FLYWCH2: variants seen among roughly 807,000 people sequenced by gnomAD.
FLYWCH2 encodes FLYWCH family member 2.
A neutral mutation model predicts 6.0 loss-of-function variants in FLYWCH2; 2 were observed. That is an observed-to-expected ratio of 0.33 (90% CI 0.14 to 1.04). The LOEUF (loss-of-function observed/expected upper bound fraction) is 1.04, where lower values mean the gene tolerates loss of function less well. Ranked by LOEUF, FLYWCH2 falls within the 50% of genes least tolerant of loss-of-function variation. FLYWCH2 has a pLI of 0.45. For missense variants in FLYWCH2, 192 were observed against 183.4 expected (o/e 1.05, Z -0.27); for synonymous variants, 87 against 79.3 (o/e 1.10, Z -0.52).
Position 2,899,039 on chromosome 16 carries a change from T to G in FLYWCH2, c.323-10T>G, listed in dbSNP as rs201846710. 5.0e-6 allele frequency: 8 copies of G among 1,607,094 alleles called. No individual in the cohort carries two copies. In the African/African-American group the frequency reaches 8.1e-5, roughly 16 times the overall value. On this transcript the variant is annotated splice_polypyrimidine_tract_variant and intron_variant, in intron 3 of 3. Coordinates refer to ENST00000396958, the MANE Select transcript of FLYWCH2 (RefSeq NM_138439.3). Reference sequence around the variant, plus strand: ...TTGACACCAGCCTGATCCACCCTCTTCTCTCGCAGGCACAGACAGAACAGA... The same window carrying G: ...TTGACACCAGCCTGATCCACCCTCTGCTCTCGCAGGCACAGACAGAACAGA...
At chr16:2,885,728 A>T (rs1020332062) in intron 1 of FLYWCH2, among the ~76,000 whole-genome samples, 2 of 152,148 alleles carry the variant, frequency 1.3e-5, no homozygotes, top group African/African-American at 4.8e-5. Context: ...ATTGATGGAT[A>T]TTTGGGCTGT....
In FLYWCH2 at chr16:2,885,338, A is replaced by AC. The variant is rs1443645585; in HGVS notation, c.-200+1972_-200+1973insC. ...TCTCAAAAAAACAAAACAAAACAAA[A>AC]AAAAAAATATACAGTTCAGTGGCTT... On this transcript the variant is annotated intron_variant, in intron 1 of 3. Transcript: ENST00000396958. Among the ~76,000 whole-genome samples, 249 of 42,762 alleles carry AC rather than the reference A, an allele frequency of 5.8e-3. 2 individuals carry two copies. The Middle Eastern group carries it at 0.064, about 11-fold the overall frequency. 28.1% of individuals were successfully genotyped at this position (42,762 alleles called of 152,430 possible).
intron 1 of FLYWCH2, among the ~76,000 whole-genome samples, 196 bp downstream of exon 1, chr16:2,883,562 C>T (rs1295045575): frequency 6.6e-6 from 1 of 152,148 alleles, no homozygotes; most frequent in South Asian, 2.1e-4. Flanking sequence ...CCCCTCCAGT[C>T]CCTTGTCCAA....
intron 1 of FLYWCH2, among the ~76,000 whole-genome samples, chr16:2,891,861 C>T (rs1274823573): frequency 2.0e-5 from 3 of 152,028 alleles, no homozygotes; most frequent in African/African-American, 7.2e-5. Flanking sequence ...TGACCCCTTC[C>T]TTGGGTTAAA....
At chr16:2,891,171 G>T (rs560051316) in intron 1 of FLYWCH2, among the ~76,000 whole-genome samples, 18 of 152,264 alleles carry the variant, frequency 1.2e-4, no homozygotes, top group African/African-American at 4.1e-4. Context: ...AAGGCCATTG[G>T]CTCTGGACCA....
At chr16:2,884,549 C>T (rs540443951) in intron 1 of FLYWCH2, among the ~76,000 whole-genome samples, 35 of 19,554 alleles carry the variant, frequency 1.8e-3, no homozygotes, top group South Asian at 3.5e-3. Context: ...GGTGAAACCC[C>T]GTCTCTACTA....
At chr16:2,894,476 A>C (rs1250416851) in intron 1 of FLYWCH2, among the ~76,000 whole-genome samples, 2 of 152,080 alleles carry the variant, frequency 1.3e-5, no homozygotes, top group African/African-American at 2.4e-5. Context: ...GCAGGGCGCT[A>C]TGTGGTTGGG....
chr16:2,897,651 C>A (rs995883804), intron 3 of FLYWCH2, among the ~76,000 whole-genome samples: 1 of 152,236 alleles, frequency 6.6e-6, no homozygotes, highest in Non-Finnish European at 1.5e-5. Flanking sequence ...TTCCCTGCAC[C>A]CAGCTCTCCC....
At chr16:2,885,910 G>A (rs1444003385) in intron 1 of FLYWCH2, among the ~76,000 whole-genome samples, 2 of 152,154 alleles carry the variant, frequency 1.3e-5, no homozygotes, top group Admixed American at 6.5e-5. Flanking sequence ...CTGCCAGGCT[G>A]GTTTCCAAAA....
chr16:2,892,990 C>T (rs1335359738), intron 1 of FLYWCH2, among the ~76,000 whole-genome samples: 1 of 123,906 alleles, frequency 8.1e-6, no homozygotes, highest in Admixed American at 8.5e-5. Context: ...ATATATGTCA[C>T]ATATATACAT....
At chr16:2,896,925 C>A in intron 3 of FLYWCH2, 154 bp downstream of exon 3, 1 of 757,446 alleles carries the variant, frequency 1.3e-6, no homozygotes, top group Non-Finnish European at 2.1e-6. Flanking sequence ...GGGGTTAGGG[C>A]ACAGGCCTGG....
chr16:2,899,285 T>TA lies in FLYWCH2; in HGVS notation c.*137dup. The TA allele has an allele frequency of 1.8e-6, 1 of 559,552 alleles. No homozygotes were observed. Among genetic ancestry groups the TA allele is most frequent in the Non-Finnish European group, 3.0e-6 (1 of 330,206 alleles). 34.7% of individuals were successfully genotyped at this position (559,552 alleles called of 1,614,324 possible). A position where few individuals can be genotyped will look rare whatever the true frequency, so the allele number is the denominator to read the frequency against. ...TTTCTTTTCTTTTTTTTTTTTTTTT[T>TA]AGATCAAGTATAAGTTACTTTTGTA... On this transcript the variant is annotated 3_prime_UTR_variant, in exon 4 of 4. Transcript: ENST00000396958.
rs958118086 is a variant in FLYWCH2, at chr16:2,883,304, G to A, written c.-262G>A. The A allele has an allele frequency of 1.3e-5, 2 of 152,344 alleles. No homozygotes were observed. The highest frequency in any genetic ancestry group is 2.9e-5 in the Non-Finnish European group (2 of 68,126). 9.4% of individuals were successfully genotyped at this position (152,344 alleles called of 1,614,324 possible). A position where few individuals can be genotyped will look rare whatever the true frequency, so the allele number is the denominator to read the frequency against. On this transcript the variant is annotated 5_prime_UTR_variant, in exon 1 of 4. Transcript: ENST00000396958. ...GCGCGAGCTGAGGCTGGGGCCCTTGGCGCGGAGGCTGAGGGACCCGCCGCG... is the reference window on the plus strand; with the variant it reads ...GCGCGAGCTGAGGCTGGGGCCCTTGACGCGGAGGCTGAGGGACCCGCCGCG...
chr16:2,890,858 C>G (rs2335465), intron 1 of FLYWCH2, among the ~76,000 whole-genome samples: 1 of 152,152 alleles, frequency 6.6e-6, no homozygotes, highest in African/African-American at 2.4e-5. Flanking sequence ...TCAGCCACCT[C>G]GCCCAGCCCA....
intron 1 of FLYWCH2, among the ~76,000 whole-genome samples, chr16:2,890,228 G>GTTTTTTTTTT (rs200322274): frequency 7.1e-6 from 1 of 139,956 alleles, no homozygotes; most frequent in East Asian, 2.0e-4. Context: ...TTTTGTTTTT[G>GTTTTTTTTTT]TTTTTTTTTT....
In FLYWCH2 at chr16:2,883,236, C is replaced by T. The variant is rs1195253472; in HGVS notation, c.-330C>T. 6.6e-6 allele frequency: 1 copy of T among 152,296 alleles called. No homozygotes were observed. Among genetic ancestry groups the T allele is most frequent in the Non-Finnish European group, 1.5e-5 (1 of 68,074 alleles). 9.4% of individuals were successfully genotyped at this position (152,296 alleles called of 1,614,324 possible). The stretch of plus-strand genomic sequence containing the variant: ...AGCCAGAAGACAGGGCACCCGCGGC[C>T]TTGCTGCGCATGCTCGCGCTGTGAC... On this transcript the variant is annotated 5_prime_UTR_variant, in exon 1 of 4. Transcript: ENST00000396958.
intron 1 of FLYWCH2, among the ~76,000 whole-genome samples, chr16:2,894,793 A>G (rs1022054846): frequency 3.9e-5 from 6 of 152,106 alleles, no homozygotes; most frequent in Non-Finnish European, 7.4e-5. Context: ...AAGGCCCCCA[A>G]CCCTGTACTC....
intron 1 of FLYWCH2, among the ~76,000 whole-genome samples, chr16:2,892,902 C>CATA: frequency 2.4e-5 from 1 of 41,304 alleles, no homozygotes; most frequent in Non-Finnish European, 6.9e-5. Context: ...GTATATATGT[C>CATA]ATATAATATA....
At chr16:2,895,551 C>T (rs2150850052) in intron 2 of FLYWCH2, among the ~76,000 whole-genome samples, 1 of 152,334 alleles carries the variant, frequency 6.6e-6, no homozygotes, top group East Asian at 1.9e-4. Flanking sequence ...GGAGGCGGAG[C>T]TTGCAGTGAG....
Sources: allele counts gnomAD v4.1 joint callset (sites outside exome capture counted in the v4.1 genomes callset), GRCh38; gene constraint gnomAD v4.1.1; transcripts MANE v1.5; gene names NCBI Gene and HGNC (gene_info 2026-07-23, HGNC 2026-07-21).